TRPA1: variants seen among roughly 807,000 people sequenced by gnomAD.
The protein encoded by TRPA1 is ankyrin-like with transmembrane domains 1.
Under a neutral mutation model 131.3 loss-of-function variants are expected in TRPA1, and 129 were observed. The ratio of observed to expected loss-of-function variants is 0.98; its 90% CI spans 0.85 to 1.14. The LOEUF (loss-of-function observed/expected upper bound fraction) is 1.14, where lower values mean the gene tolerates loss of function less well. TRPA1 is among the 50% of genes most tolerant of loss of function. TRPA1 has a pLI of 0.00. For missense variants in TRPA1, 1,304 were observed against 1,354.2 expected (o/e 0.96, Z 0.58); for synonymous variants, 441 against 451.7 (o/e 0.98, Z 0.30).
At chr8:72,082,510 T>C in the TRPA1 span, among the ~76,000 whole-genome samples, 1 of 152,078 alleles carries the variant, frequency 6.6e-6, no homozygotes, top group African/African-American at 2.4e-5. Flanking sequence ...TCTTTCAATA[T>C]GAAGGATTTC....
upstream of TRPA1, among the ~76,000 whole-genome samples, chr8:72,076,048 C>G (rs549032765): frequency 5.3e-5 from 8 of 152,216 alleles, no homozygotes; most frequent in South Asian, 1.2e-3. Context: ...CTTCTGGCGG[C>G]CTCTTTGATT....
At chr8:72,063,425 T>C (rs776665092) in intron 5 of TRPA1, 38 bp downstream of exon 5, 1 of 1,414,818 alleles carries the variant, frequency 7.1e-7, no homozygotes. Flanking sequence ...CAAAATAGAC[T>C]TATTTATAGT....
chr8:72,039,459 C>T (rs1473214870), intron 18 of TRPA1, among the ~76,000 whole-genome samples: 3 of 151,932 alleles, frequency 2.0e-5, no homozygotes, highest in African/African-American at 7.3e-5. Context: ...TCCCTCCCAC[C>T]CTGCAAATAT....
chr8:72,050,138 C>T (rs991026727), intron 15 of TRPA1, among the ~76,000 whole-genome samples: 1 of 152,112 alleles, frequency 6.6e-6, no homozygotes, highest in African/African-American at 2.4e-5. Flanking sequence ...GTTCCCCACC[C>T]TGTGTCCAAG....
intron 6 of TRPA1, chr8:72,062,111 C>T (rs888364200): frequency 1.7e-5 from 5 of 289,396 alleles, no homozygotes; most frequent in Non-Finnish European, 3.3e-5. Flanking sequence ...ACTTCAGACC[C>T]CATACCACCA....
In TRPA1 at chr8:72,053,830, T is replaced by G; in HGVS notation, c.1567A>C (p.Met523Leu). 6.2e-7 allele frequency: 1 copy of G among 1,612,296 alleles called. No homozygotes were observed. Among genetic ancestry groups the G allele is most frequent in the Non-Finnish European group, 8.5e-7 (1 of 1,179,802 alleles). ...TTCATGGTCTGAGTGTACCCGCCCATGGACGCATGATGCAAAGCTGTCCAG... is the reference window on the plus strand; with the variant it reads ...TTCATGGTCTGAGTGTACCCGCCCAGGGACGCATGATGCAAAGCTGTCCAG... ...NGWTALHHAS[M>L]GGYTQTMKVI... is the part of the protein sequence containing the mutation. The change falls in exon 13 of 27, where the codon ATG becomes CTG. Residue 523 changes from methionine (M) to leucine (L), a missense_variant. Coordinates refer to ENST00000262209, the MANE Select transcript of TRPA1 (RefSeq NM_007332.3).
intron 12 of TRPA1, 25 bp downstream of exon 12, chr8:72,055,411 A>G (rs780559464): frequency 1.0e-5 from 16 of 1,604,200 alleles, no homozygotes; most frequent in Admixed American, 3.4e-5. Context: ...GAAATTATAT[A>G]AACACTCCAA....
chr8:72,041,915 A>G (rs1812265243), intron 17 of TRPA1, among the ~76,000 whole-genome samples: 1 of 151,916 alleles, frequency 6.6e-6, no homozygotes, highest in Non-Finnish European at 1.5e-5. Flanking sequence ...AAAATCAATG[A>G]AACCAAGAAT....
intron 2 of TRPA1, 102 bp downstream of exon 2, chr8:72,071,609 T>C: frequency 2.3e-6 from 3 of 1,327,490 alleles, no homozygotes; most frequent in South Asian, 2.5e-5. Flanking sequence ...AGGCTCTTTA[T>C]AATTAGCACT....
intron 1 of TRPA1, among the ~76,000 whole-genome samples, chr8:72,073,116 C>T (rs1046453010): frequency 6.6e-6 from 1 of 152,138 alleles, no homozygotes; most frequent in African/African-American, 2.4e-5. Flanking sequence ...ACATAATAGA[C>T]TAGATCACTT....
At chr8:72,051,510 CTA>C (rs964661322) in intron 14 of TRPA1, among the ~76,000 whole-genome samples, 1 of 152,112 alleles carries the variant, frequency 6.6e-6, no homozygotes, top group African/African-American at 2.4e-5. Context: ...CTGTTAAACT[CTA>C]TCAGTAAAAC....
chr8:72,029,512 C>T (rs1015595437), intron 24 of TRPA1, among the ~76,000 whole-genome samples: 15 of 152,214 alleles, frequency 9.9e-5, no homozygotes, highest in African/African-American at 2.6e-4. Flanking sequence ...AAGGAAGTAA[C>T]GATAATGGTG....
At chr8:72,024,294 C>T (rs895026486) in intron 25 of TRPA1, among the ~76,000 whole-genome samples, 5 of 152,116 alleles carry the variant, frequency 3.3e-5, no homozygotes, top group Non-Finnish European at 5.9e-5. Flanking sequence ...TACAACTCAA[C>T]CAATCAACAA....
chr8:72,026,212 A>G, intron 24 of TRPA1, 139 bp from the exon 25 acceptor site: 1 of 689,170 alleles, frequency 1.5e-6, no homozygotes, highest in South Asian at 1.7e-5. Context: ...TGGGCTGGCC[A>G]GGCTTTCTTA....
At chr8:72,029,426 T>G (rs1429575638) in intron 24 of TRPA1, among the ~76,000 whole-genome samples, 1 of 152,174 alleles carries the variant, frequency 6.6e-6, no homozygotes. Flanking sequence ...GTATACCAGG[T>G]AACATGCAAA....
At chr8:72,042,879 G>C (rs1023974482) in intron 17 of TRPA1, among the ~76,000 whole-genome samples, 8 of 151,790 alleles carry the variant, frequency 5.3e-5, no homozygotes, top group Admixed American at 4.6e-4. Flanking sequence ...GAAACAAAAA[G>C]TAGAAGGGTG....
At chr8:72,054,248 C>T (rs1217430985) in intron 12 of TRPA1, 1 of 254,302 alleles carries the variant, frequency 3.9e-6, no homozygotes, top group East Asian at 1.1e-4. Context: ...AACACTGTAT[C>T]AAAATTTTTT....
chr8:72,027,836 C>T (rs1248461697), intron 24 of TRPA1, among the ~76,000 whole-genome samples: 1 of 151,902 alleles, frequency 6.6e-6, no homozygotes, highest in African/African-American at 2.4e-5. Flanking sequence ...GTTTTTGATC[C>T]AAAACAAGGC....
At chr8:72,047,499 C>G (rs1283098122) in intron 15 of TRPA1, among the ~76,000 whole-genome samples, 1 of 151,970 alleles carries the variant, frequency 6.6e-6, no homozygotes, top group African/African-American at 2.4e-5. Flanking sequence ...CTAGTTGTGC[C>G]TAAGATTTGA....
Sources: gnomAD v4.1 joint callset for allele counts (sites outside exome capture counted in the v4.1 genomes callset) on GRCh38, gnomAD v4.1.1 for gene constraint, MANE v1.5 for transcripts, NCBI Gene and HGNC (gene_info 2026-07-23, HGNC 2026-07-21) for gene names.